SLC35F3: variants seen among roughly 807,000 people sequenced by gnomAD.
The protein encoded by SLC35F3 is putative thiamine transporter SLC35F3.
In SLC35F3, 25 loss-of-function variants were observed where a neutral mutation model predicts 49.9. The ratio of observed to expected loss-of-function variants is 0.50; its 90% confidence interval spans 0.37 to 0.70. SLC35F3 has a LOEUF of 0.70. Ranked by LOEUF, SLC35F3 falls within the 30% of genes least tolerant of loss-of-function variation. The pLI is 0.00. For synonymous variants in SLC35F3, 275 were observed against 265.4 expected (o/e 1.04, Z -0.35); for missense variants, 525 against 639.8 (o/e 0.82, Z 1.94).
rs137918302 is a variant in SLC35F3 at position 233,985,431 on chromosome 1, G to A, written c.283+79673G>A. On this transcript the variant is annotated intron_variant, in intron 2 of 7. Coordinates refer to ENST00000366618, the MANE Select transcript of SLC35F3 (RefSeq NM_173508.4). ...TCTTATTTTTATTGAATCTATAGCT[G>A]AAGAATCTATCAACTGTTTCCAAAT... is the stretch of plus-strand genomic sequence containing the variant. 4.1e-4 allele frequency among the ~76,000 whole-genome samples: 63 copies of A among 152,296 alleles called. 3 individuals are homozygous for A. In the East Asian group the frequency reaches 0.011, roughly 27 times the overall value.
Position 234,214,675 on chromosome 1 carries a change from G to C in SLC35F3, c.284-16742G>C, listed in dbSNP as rs1436040909. 2.1e-6 allele frequency: 3 copies of C among 1,398,304 alleles called. No individual in the cohort carries two copies. The highest frequency in any genetic ancestry group is 9.4e-7 in the Non-Finnish European group (1 of 1,063,486). The allele number at this position is 1,398,304 out of a possible 1,614,324, so 86.6% of individuals were successfully genotyped here. On this transcript the variant is annotated intron_variant, in intron 2 of 7. Coordinates refer to ENST00000366618, the MANE Select transcript of SLC35F3 (RefSeq NM_173508.4). The surrounding 1 kb of genome is among the most constrained non-coding windows in gnomAD (Gnocchi z 8.0). ...TGGCTGCGGGGCGCCGGGGCTGGGG[G>C]TACTGCTCCCCCAGGACGCGGCTCC...
chr1:234,166,554 G>T (rs887228042), intron 2 of SLC35F3, among the ~76,000 whole-genome samples: 1 of 152,164 alleles, frequency 6.6e-6, no homozygotes. Context: ...CCAAGCTGGG[G>T]CTTAGACTCT....
At chr1:234,100,407 C>T (rs1481338999) in intron 2 of SLC35F3, among the ~76,000 whole-genome samples, 1 of 152,144 alleles carries the variant, frequency 6.6e-6, no homozygotes, top group Non-Finnish European at 1.5e-5. Context: ...TCTGTTGTTC[C>T]TCATGTGGTA....
intron 2 of SLC35F3, among the ~76,000 whole-genome samples, chr1:234,004,376 A>G (rs1663599203): frequency 6.6e-6 from 1 of 152,142 alleles, no homozygotes; most frequent in African/African-American, 2.4e-5. Context: ...GGCAAACTGC[A>G]GAAGGAAACA....
chr1:234,292,107 T>C (rs1668519118), intron 3 of SLC35F3, among the ~76,000 whole-genome samples: 1 of 152,228 alleles, frequency 6.6e-6, no homozygotes, highest in Non-Finnish European at 1.5e-5. Context: ...TTGTAAGGCT[T>C]TGATGCATCC....
chr1:234,140,367 A>G (rs945080951), intron 2 of SLC35F3, among the ~76,000 whole-genome samples: 1 of 152,198 alleles, frequency 6.6e-6, no homozygotes, highest in East Asian at 1.9e-4. Flanking sequence ...ATTTTATTAT[A>G]GGATATTATT....
chr1:233,971,437 T>C (rs6696654), intron 2 of SLC35F3, among the ~76,000 whole-genome samples: 46,590 of 152,130 alleles, frequency 0.31, 7,375 homozygotes, highest in East Asian at 0.54. Flanking sequence ...GATACCCAGC[T>C]GGGCGCGGTG....
At chr1:234,041,996 C>G (rs1664228721) in intron 2 of SLC35F3, among the ~76,000 whole-genome samples, 1 of 152,076 alleles carries the variant, frequency 6.6e-6, no homozygotes. Context: ...ATCAGTGGGG[C>G]CCATGCATGT....
intron 3 of SLC35F3, among the ~76,000 whole-genome samples, chr1:234,258,829 C>T (rs1452649107): frequency 6.6e-6 from 1 of 152,178 alleles, no homozygotes; most frequent in East Asian, 1.9e-4. Context: ...CAGATAACAA[C>T]AAAAGAAGCT....
intron 3 of SLC35F3, among the ~76,000 whole-genome samples, chr1:234,243,081 G>A (rs1030893750): frequency 5.3e-5 from 8 of 152,162 alleles, no homozygotes; most frequent in Non-Finnish European, 1.2e-4. Context: ...GGCCGGGTGT[G>A]GTAGCTCATG....
chr1:233,916,380 G>C (rs547758687), intron 2 of SLC35F3, among the ~76,000 whole-genome samples: 11 of 152,138 alleles, frequency 7.2e-5, no homozygotes, highest in African/African-American at 2.4e-4. Flanking sequence ...CAATCCTCCC[G>C]CCTCAGCCTC....
chr1:233,987,078 G>C (rs2102825095), intron 2 of SLC35F3, among the ~76,000 whole-genome samples: 1 of 152,282 alleles, frequency 6.6e-6, no homozygotes. Context: ...CCTGAGGTCA[G>C]GAGTTTGAGA....
At chr1:234,042,074 C>T (rs1263207094) in intron 2 of SLC35F3, among the ~76,000 whole-genome samples, 1 of 152,162 alleles carries the variant, frequency 6.6e-6, no homozygotes, top group Admixed American at 6.5e-5. Flanking sequence ...TCACTCTTCC[C>T]TGACGTCAAG....
chr1:234,143,019 G>A (rs1214990086), intron 2 of SLC35F3, among the ~76,000 whole-genome samples: 6 of 152,018 alleles, frequency 3.9e-5, no homozygotes, highest in African/African-American at 4.8e-5. Context: ...TAACATATCC[G>A]TCACCTCACT....
In SLC35F3 at chr1:233,905,070, C is replaced by T. The variant is rs1558173444; in HGVS notation, c.-8C>T. Reference sequence around the variant, plus strand: ...CTGGGAGCTGCCGGTCCCACTCTGTCTTTGCCTATGGGGATTCGAGAGTTT... The same window carrying T: ...CTGGGAGCTGCCGGTCCCACTCTGTTTTTGCCTATGGGGATTCGAGAGTTT... On this transcript the variant is annotated 5_prime_UTR_variant, in exon 1 of 8. Transcript: ENST00000366618. The T allele has an allele frequency of 1.3e-6, 2 of 1,561,594 alleles. No homozygotes were observed. The highest frequency in any genetic ancestry group is 1.7e-6 in the Non-Finnish European group (2 of 1,151,638).
chr1:234,289,787 G>A (rs1668479156), intron 3 of SLC35F3, among the ~76,000 whole-genome samples: 1 of 152,160 alleles, frequency 6.6e-6, no homozygotes, highest in East Asian at 1.9e-4. Context: ...CACACAGATA[G>A]TATTTTAAAA....
At chr1:234,118,152 A>G (rs1387918240) in intron 2 of SLC35F3, among the ~76,000 whole-genome samples, 1 of 152,038 alleles carries the variant, frequency 6.6e-6, no homozygotes, top group Non-Finnish European at 1.5e-5. Flanking sequence ...ACAAAATAAT[A>G]GCAATTCCAA....
chr1:234,322,036 A>AATG (rs1657634142), intron 7 of SLC35F3, among the ~76,000 whole-genome samples: 1 of 151,942 alleles, frequency 6.6e-6, no homozygotes, highest in Admixed American at 6.6e-5. Flanking sequence ...TAATAATAAT[A>AATG]ATAATAACAA....
intron 2 of SLC35F3, among the ~76,000 whole-genome samples, chr1:234,165,557 T>C (rs1380496812): frequency 6.6e-6 from 1 of 152,180 alleles, no homozygotes; most frequent in African/African-American, 2.4e-5. Flanking sequence ...TTATTTTTTC[T>C]CCCTTTTTGT....
Sources: gnomAD v4.1 joint callset for allele counts (sites outside exome capture counted in the v4.1 genomes callset) on GRCh38, gnomAD v4.1.1 for gene constraint, Gnocchi (gnomAD v3.1) non-coding constraint, MANE v1.5 for transcripts, NCBI Gene and HGNC (gene_info 2026-07-23, HGNC 2026-07-21) for gene names.